Variants in MACO1 observed in about 807,000 individuals in gnomAD.
MACO1 encodes the protein macoilin 1, also known as macoilin.
Under a neutral mutation model 78.7 loss-of-function variants are expected in MACO1, and 14 were observed. That is an observed-to-expected ratio of 0.18 (90% confidence interval 0.12 to 0.28). The LOEUF (loss-of-function observed/expected upper bound fraction) is 0.28, where lower values mean the gene tolerates loss of function less well. Ranked by LOEUF, MACO1 falls within the 10% of genes least tolerant of loss-of-function variation. The pLI, the probability that MACO1 is intolerant of heterozygous loss-of-function variation, is 1.00. For synonymous variants in MACO1, 288 were observed against 291.6 expected (o/e 0.99, Z 0.12); for missense variants, 501 against 799.0 (o/e 0.63, Z 4.50).
intron 3 of MACO1, 42 bp from the exon 4 acceptor site, chr1:25,454,217 A>G (rs1315742548): frequency 2.6e-6 from 4 of 1,528,876 alleles, no homozygotes; most frequent in Non-Finnish European, 3.5e-6. Context: ...GTTAGTTACT[A>G]TATCGTTTAT....
At chr1:25,497,410 T>C (rs1404458481) in intron 10 of MACO1, among the ~76,000 whole-genome samples, 1 of 149,036 alleles carries the variant, frequency 6.7e-6, no homozygotes, top group Non-Finnish European at 1.5e-5. Flanking sequence ...TTAGGAGTTG[T>C]AGGAAGCTAA....
intron 10 of MACO1, among the ~76,000 whole-genome samples, chr1:25,492,355 G>A (rs562279971): frequency 5.4e-4 from 82 of 152,292 alleles, no homozygotes; most frequent in African/African-American, 1.9e-3. Flanking sequence ...GAGACAGAAC[G>A]TATGTGGCAG....
intron 1 of MACO1, among the ~76,000 whole-genome samples, chr1:25,439,546 G>A (rs1056415057): frequency 1.3e-5 from 2 of 152,108 alleles, no homozygotes; most frequent in Non-Finnish European, 2.9e-5. Context: ...ATAGAAAAAA[G>A]AAATATAGAA....
At chr1:25,447,615 G>T (rs2043027569) in intron 2 of MACO1, among the ~76,000 whole-genome samples, 1 of 152,122 alleles carries the variant, frequency 6.6e-6, no homozygotes, top group Non-Finnish European at 1.5e-5. Context: ...TCTCATATCT[G>T]CTTCTGAAGT....
chr1:25,436,994 T>C (rs544930128), intron 1 of MACO1, among the ~76,000 whole-genome samples: 1 of 152,222 alleles, frequency 6.6e-6, no homozygotes, highest in Admixed American at 6.5e-5. Flanking sequence ...ATGGTGTGAC[T>C]ACTCCACTTT....
chr1:25,435,198 C>T (rs1220861793), intron 1 of MACO1, among the ~76,000 whole-genome samples: 1 of 151,938 alleles, frequency 6.6e-6, no homozygotes, highest in African/African-American at 2.4e-5. Context: ...AAGGAAGTAC[C>T]CTTTCACTGT....
intron 10 of MACO1, among the ~76,000 whole-genome samples, chr1:25,493,006 C>T (rs967413172): frequency 2.0e-5 from 3 of 151,986 alleles, no homozygotes; most frequent in Non-Finnish European, 2.9e-5. Flanking sequence ...GGGAACATAG[C>T]GAGACCTTGT....
chr1:25,486,633 G>A (rs146557797), intron 8 of MACO1, among the ~76,000 whole-genome samples: 71 of 152,200 alleles, frequency 4.7e-4, no homozygotes, highest in Admixed American at 1.6e-3. Flanking sequence ...TTGCTTTGTC[G>A]TAATTAAAGT....
intron 1 of MACO1, among the ~76,000 whole-genome samples, chr1:25,444,202 T>C (rs1022289928): frequency 1.3e-5 from 2 of 151,456 alleles, no homozygotes; most frequent in South Asian, 4.2e-4. Flanking sequence ...GAGGTTGCAG[T>C]GAGCTGAAAT....
chr1:25,480,929 A>AAAAAAAAATAT (rs1553166539), intron 6 of MACO1, among the ~76,000 whole-genome samples: 5 of 47,896 alleles, frequency 1.0e-4, no homozygotes, highest in Non-Finnish European at 1.0e-4. Context: ...AAAAAAAAAA[A>AAAAAAAAATAT]ATATATATAT....
At chr1:25,461,507 A>G (rs1036941447) in intron 6 of MACO1, among the ~76,000 whole-genome samples, 2 of 152,084 alleles carry the variant, frequency 1.3e-5, no homozygotes, top group African/African-American at 4.8e-5. Flanking sequence ...TGGAAAGTTG[A>G]GATAAAACTA....
chr1:25,489,081 A>G (rs952728072), intron 8 of MACO1, 92 bp from the exon 9 acceptor site: 1 of 1,466,682 alleles, frequency 6.8e-7, no homozygotes. Context: ...TCGGCCTCCC[A>G]AAGTGCTGGG....
intron 6 of MACO1, among the ~76,000 whole-genome samples, chr1:25,474,738 T>C (rs756381698): frequency 3.9e-5 from 6 of 152,214 alleles, no homozygotes; most frequent in Non-Finnish European, 5.9e-5. Flanking sequence ...CATCAAGATA[T>C]TTTTCTACTG....
chr1:25,475,730 T>G (rs1187640030), intron 6 of MACO1, among the ~76,000 whole-genome samples: 1 of 152,194 alleles, frequency 6.6e-6, no homozygotes, highest in Non-Finnish European at 1.5e-5. Flanking sequence ...ATTAAAATGT[T>G]AAAAATAAGT....
chr1:25,470,721 T>G (rs1329431629), intron 6 of MACO1, among the ~76,000 whole-genome samples: 1 of 152,030 alleles, frequency 6.6e-6, no homozygotes, highest in African/African-American at 2.4e-5. Context: ...TTGTATAGTA[T>G]GAATCCATGG....
chr1:25,461,612 T>A (rs1410923574), intron 6 of MACO1, among the ~76,000 whole-genome samples: 1 of 152,118 alleles, frequency 6.6e-6, no homozygotes, highest in Non-Finnish European at 1.5e-5. Flanking sequence ...AAATATCCAA[T>A]AATGGGAGAA....
At chr1:25,478,000 C>G (rs2043338192) in intron 6 of MACO1, among the ~76,000 whole-genome samples, 1 of 152,234 alleles carries the variant, frequency 6.6e-6, no homozygotes, top group Non-Finnish European at 1.5e-5. Context: ...AATCCCAGCA[C>G]TTTGGGAGGC....
chr1:25,436,214 T>C (rs1487227680), intron 1 of MACO1, among the ~76,000 whole-genome samples: 2 of 152,200 alleles, frequency 1.3e-5, no homozygotes, highest in Admixed American at 1.3e-4. Flanking sequence ...ACCCAGTCCA[T>C]GTTCTGTAAG....
At chr1:25,466,638 T>G (rs2043221944) in intron 6 of MACO1, among the ~76,000 whole-genome samples, 1 of 152,130 alleles carries the variant, frequency 6.6e-6, no homozygotes, top group African/African-American at 2.4e-5. Flanking sequence ...AAAATCAGTG[T>G]GTTTGTTTTC....
Sources: allele counts gnomAD v4.1 joint callset (sites outside exome capture counted in the v4.1 genomes callset), GRCh38; gene constraint gnomAD v4.1.1; transcripts MANE v1.5; gene names NCBI Gene and HGNC (gene_info 2026-07-23, HGNC 2026-07-21).